Variants in TNFRSF10B observed in about 807,000 individuals in gnomAD.
The protein encoded by TNFRSF10B is TNF receptor superfamily member 10b.
In TNFRSF10B, 35 loss-of-function variants were observed where a neutral mutation model predicts 41.4. The observed-to-expected ratio is 0.85, with a 90% CI of 0.65 to 1.12. The LOEUF (loss-of-function observed/expected upper bound fraction) is 1.12, where lower values mean the gene tolerates loss of function less well. Among genes scored for constraint, TNFRSF10B ranks in the 50% most tolerant of loss-of-function variants. The pLI is 0.00. For missense variants in TNFRSF10B, 584 were observed against 552.7 expected (o/e 1.06, Z -0.57); for synonymous variants, 230 against 215.5 (o/e 1.07, Z -0.59).
intron 7 of TNFRSF10B, 134 bp downstream of exon 7, chr8:23,026,999 C>G: frequency 7.5e-7 from 1 of 1,328,756 alleles, no homozygotes; most frequent in Non-Finnish European, 1.1e-6. Flanking sequence ...CTGCTCCATC[C>G]CCTGCAGTCC....
chr8:23,063,346 CA>C (rs11321750), intron 1 of TNFRSF10B, among the ~76,000 whole-genome samples: 15,438 of 128,730 alleles, frequency 0.12, 1,290 homozygotes, highest in African/African-American at 0.27. Flanking sequence ...GAAACTGTCT[CA>C]AAAAAAAAAA....
intron 6 of TNFRSF10B, 139 bp from the exon 7 acceptor site, chr8:23,027,427 C>T: frequency 9.2e-7 from 1 of 1,090,824 alleles, no homozygotes; most frequent in Non-Finnish European, 1.4e-6. Flanking sequence ...CCAGACTCAG[C>T]ACATCCAGGA....
intron 1 of TNFRSF10B, among the ~76,000 whole-genome samples, chr8:23,051,689 C>T (rs1332057737): frequency 6.6e-6 from 1 of 151,886 alleles, no homozygotes; most frequent in African/African-American, 2.4e-5. Flanking sequence ...GGACTACAGT[C>T]GCCCGCCACC....
At chr8:23,042,251 T>A (rs1812223377) in intron 2 of TNFRSF10B, among the ~76,000 whole-genome samples, 2 of 152,242 alleles carry the variant, frequency 1.3e-5, no homozygotes, top group African/African-American at 4.8e-5. Flanking sequence ...AGCCCACATG[T>A]GCAATGTGAG....
At chr8:23,029,523 G>A in intron 4 of TNFRSF10B, 87 bp downstream of exon 4, 1 of 1,307,722 alleles carries the variant, frequency 7.6e-7, no homozygotes. Context: ...CCTTGCGGGT[G>A]CTGTCAGGGG....
intron 1 of TNFRSF10B, among the ~76,000 whole-genome samples, chr8:23,044,360 G>A (rs1004388164): frequency 6.6e-6 from 1 of 152,174 alleles, no homozygotes; most frequent in African/African-American, 2.4e-5. Flanking sequence ...TGCATCCAAT[G>A]ATGATCAACA....
At chr8:23,023,310 G>C (rs572215944) in intron 8 of TNFRSF10B, among the ~76,000 whole-genome samples, 1 of 152,218 alleles carries the variant, frequency 6.6e-6, no homozygotes, top group Non-Finnish European at 1.5e-5. Context: ...AGAGACAGTG[G>C]CTGCAGCGGG....
intron 1 of TNFRSF10B, among the ~76,000 whole-genome samples, chr8:23,049,427 C>A (rs1319017582): frequency 6.6e-6 from 1 of 152,118 alleles, no homozygotes; most frequent in African/African-American, 2.4e-5. Flanking sequence ...TGTGGGAGGG[C>A]TGAAGGAACT....
At chr8:23,055,888 T>G (rs1248310680) in intron 1 of TNFRSF10B, among the ~76,000 whole-genome samples, 2 of 152,232 alleles carry the variant, frequency 1.3e-5, no homozygotes, top group Non-Finnish European at 2.9e-5. Context: ...TGTCTTTAGA[T>G]GAATGCACAC....
chr8:23,023,281 G>GT (rs1811599087), intron 8 of TNFRSF10B, among the ~76,000 whole-genome samples: 1 of 152,208 alleles, frequency 6.6e-6, no homozygotes, highest in East Asian at 1.9e-4. Context: ...AGTAAAGTGC[G>GT]TGAGAGTCCG....
chr8:23,041,579 A>C, intron 2 of TNFRSF10B, among the ~76,000 whole-genome samples: 1 of 150,840 alleles, frequency 6.6e-6, no homozygotes, highest in East Asian at 2.0e-4. Context: ...CCTAATCTGT[A>C]AGAATTCATG....
intron 1 of TNFRSF10B, among the ~76,000 whole-genome samples, chr8:23,052,099 T>C (rs1356406513): frequency 6.6e-6 from 1 of 152,120 alleles, no homozygotes; most frequent in Non-Finnish European, 1.5e-5. Flanking sequence ...ATATATAATC[T>C]GGGTAAATGA....
intron 1 of TNFRSF10B, among the ~76,000 whole-genome samples, chr8:23,046,579 A>G (rs1812367302): frequency 6.6e-6 from 1 of 151,388 alleles, no homozygotes; most frequent in African/African-American, 2.4e-5. Flanking sequence ...TTTTCATAGA[A>G]ATAGAGAAAA....
chr8:23,066,486 A>G (rs902092112), intron 1 of TNFRSF10B, among the ~76,000 whole-genome samples: 6 of 152,196 alleles, frequency 3.9e-5, no homozygotes, highest in East Asian at 1.9e-4. Context: ...ATGATGGGGG[A>G]AAAAAAAGAA....
In TNFRSF10B at chr8:23,022,806, A is replaced by C; in HGVS notation, c.1188T>G (p.Asp396Glu). Residue 396 changes from aspartate to glutamate, a missense_variant, in exon 9 of 9, where the codon GAT (aspartate) becomes GAG (glutamate). Coordinates refer to ENST00000276431, the MANE Select transcript of TNFRSF10B (RefSeq NM_003842.5). ...CATCCAGCAGGGTGTGGACAGAGGC[A>C]TCTCGCCCGGTTTTGTTGACCCACT... The part of the protein sequence containing the change: ...LIKWVNKTGR[D>E]ASVHTLLDAL... The C allele has an allele frequency of 1.9e-6, 3 of 1,613,916 alleles. No individual in the cohort carries two copies. Among genetic ancestry groups the C allele is most frequent in the Non-Finnish European group, 2.5e-6 (3 of 1,179,888 alleles).
At position 23,020,379 on chromosome 8, in the gene TNFRSF10B, C is replaced by G. The variant is rs1242392630; in HGVS notation, c.*2292G>C. 1 of 453,946 alleles carries G rather than the reference C, an allele frequency of 2.2e-6. No homozygotes were observed. Among genetic ancestry groups the G allele is most frequent in the Non-Finnish European group, 4.4e-6 (1 of 226,790 alleles). The allele number at this position is 453,946 out of a possible 1,614,324, so 28.1% of individuals were successfully genotyped here. ...TAAACAACAAAACCCCCAATTATTTCATGTCGTCAGGAAGCTTACTTTAAA... is the reference window on the plus strand; with the variant it reads ...TAAACAACAAAACCCCCAATTATTTGATGTCGTCAGGAAGCTTACTTTAAA... On this transcript the variant is annotated 3_prime_UTR_variant, in exon 9 of 9. Coordinates refer to ENST00000276431, the MANE Select transcript of TNFRSF10B (RefSeq NM_003842.5).
chr8:23,052,285 C>CTTTTT lies in TNFRSF10B; in HGVS notation c.145-9047_145-9043dup, dbSNP rs35496059. On this transcript the variant is annotated intron_variant, in intron 1 of 8. Coordinates refer to ENST00000276431, the MANE Select transcript of TNFRSF10B (RefSeq NM_003842.5). ...AGATTGTGTCCTTTTTAAAGGGTAA[C>CTTTTT]TTTTTTTTTTTTTTTTTTGAGACAG... 3.1e-3 allele frequency among the ~76,000 whole-genome samples: 400 copies of CTTTTT among 129,494 alleles called. 7 individuals are homozygous for CTTTTT. The highest frequency in any genetic ancestry group is 5.4e-3 in the East Asian group (24 of 4,464). The allele number at this position is 129,494 out of a possible 152,430, so 85.0% of individuals were successfully genotyped here.
intron 5 of TNFRSF10B, 98 bp downstream of exon 5, chr8:23,028,233 A>G: frequency 1.9e-6 from 3 of 1,556,936 alleles, no homozygotes; most frequent in Non-Finnish European, 2.6e-6. Context: ...GGAGGCACTT[A>G]GACTTGGGGC....
rs780121885 is a variant in TNFRSF10B, at chr8:23,043,127, C to G, written c.250+11G>C. The G allele has an allele frequency of 6.2e-7, 1 of 1,613,528 alleles. No individual in the cohort carries two copies. Among genetic ancestry groups the G allele is most frequent in the Non-Finnish European group, 8.5e-7 (1 of 1,179,482 alleles). On this transcript the variant is annotated intron_variant, in intron 2 of 8. Coordinates refer to ENST00000276431, the MANE Select transcript of TNFRSF10B (RefSeq NM_003842.5). Reference sequence around the variant, plus strand: ...GGAGGGGCAAGGATTAGAGACCCATCTTGAACATACCAGGTGGACACAATC... The same window carrying G: ...GGAGGGGCAAGGATTAGAGACCCATGTTGAACATACCAGGTGGACACAATC...
Sources: allele counts gnomAD v4.1 joint callset (sites outside exome capture counted in the v4.1 genomes callset), GRCh38; gene constraint gnomAD v4.1.1; transcripts MANE v1.5; gene names NCBI Gene and HGNC (gene_info 2026-07-23, HGNC 2026-07-21).